The following OSBPL9 variants were observed in gnomAD, a reference collection of about 807,000 sequenced individuals.
OSBPL9 encodes the protein oxysterol-binding protein-related protein 9.
OSBPL9 carries 40 observed loss-of-function variants against 106.6 expected under a neutral mutation model. That is an observed-to-expected ratio of 0.38 (90% CI 0.29 to 0.49). The LOEUF (loss-of-function observed/expected upper bound fraction) is 0.49. Ranked by LOEUF, OSBPL9 falls within the 20% of genes least tolerant of loss-of-function variation. The pLI is 0.97. For missense variants in OSBPL9, 609 were observed against 887.2 expected (o/e 0.69, Z 3.98); for synonymous variants, 269 against 295.4 (o/e 0.91, Z 0.92).
intron 1 of OSBPL9, among the ~76,000 whole-genome samples, chr1:51,578,194 A>G (rs1416507423): frequency 1.3e-5 from 2 of 152,186 alleles, no homozygotes; most frequent in Non-Finnish European, 2.9e-5. Context: ...TAGCCTTACT[A>G]ATGGATTGAC....
chr1:51,573,640 C>T (rs1247567684), upstream of OSBPL9, among the ~76,000 whole-genome samples: 13 of 151,154 alleles, frequency 8.6e-5, no homozygotes, highest in Admixed American at 8.6e-4. Flanking sequence ...ATGGTGAGAC[C>T]CCGTCTCTAC....
At chr1:51,573,403 G>A (rs894863231), upstream of OSBPL9, among the ~76,000 whole-genome samples, 3 of 151,226 alleles carry the variant, frequency 2.0e-5, no homozygotes, top group Admixed American at 6.6e-5. Context: ...AGCTACTTGG[G>A]AGGCTGAGGC....
At chr1:51,614,468 T>G (rs990150513), upstream of OSBPL9, 1 of 151,976 alleles carries the variant, frequency 6.6e-6, no homozygotes, top group Non-Finnish European at 1.5e-5. Flanking sequence ...TTTTTTAATT[T>G]TAAATTTTAT....
At chr1:51,645,551 T>C (rs1040584501) in intron 1 of OSBPL9, among the ~76,000 whole-genome samples, 1 of 152,052 alleles carries the variant, frequency 6.6e-6, no homozygotes, top group African/African-American at 2.4e-5. Context: ...TGATTATAGC[T>C]CATCATAACC....
At chr1:51,580,686 G>T (rs911056254) in intron 1 of OSBPL9, among the ~76,000 whole-genome samples, 2 of 151,586 alleles carry the variant, frequency 1.3e-5, no homozygotes, top group African/African-American at 2.4e-5. Context: ...AGTCTTCAAG[G>T]AATTCACAAT....
chr1:51,773,167 C>T (rs562408169), intron 14 of OSBPL9, among the ~76,000 whole-genome samples: 1 of 152,250 alleles, frequency 6.6e-6, no homozygotes, highest in South Asian at 2.1e-4. Flanking sequence ...ATATTTGTGA[C>T]CTCTGTCTCC....
the OSBPL9 span, among the ~76,000 whole-genome samples, chr1:51,570,907 C>T: frequency 1.3e-5 from 2 of 152,026 alleles, no homozygotes; most frequent in Admixed American, 6.6e-5. Flanking sequence ...CTGCAACCTC[C>T]GCCTCCCAGG....
At chr1:51,607,081 A>G (rs971645075) in intron 2 of OSBPL9, among the ~76,000 whole-genome samples, 2 of 152,006 alleles carry the variant, frequency 1.3e-5, no homozygotes, top group African/African-American at 2.4e-5. Context: ...AAATTTGGAA[A>G]ACACAAAAGT....
At chr1:51,587,255 C>T (rs918434158) in intron 1 of OSBPL9, among the ~76,000 whole-genome samples, 1 of 152,164 alleles carries the variant, frequency 6.6e-6, no homozygotes, top group Non-Finnish European at 1.5e-5. Context: ...CTTCCAGCTC[C>T]TCAGGAGGCT....
intron 3 of OSBPL9, among the ~76,000 whole-genome samples, chr1:51,698,444 G>A (rs775890158): frequency 1.1e-4 from 17 of 152,050 alleles, no homozygotes; most frequent in Non-Finnish European, 1.9e-4. Flanking sequence ...TTTATGAAAC[G>A]AATGTTCCAG....
intron 2 of OSBPL9, among the ~76,000 whole-genome samples, chr1:51,611,745 G>T (rs1643989386): frequency 6.6e-6 from 1 of 152,258 alleles, no homozygotes; most frequent in Non-Finnish European, 1.5e-5. Flanking sequence ...TCAAGGGGTG[G>T]GGGGTGGATC....
chr1:51,618,025 GT>G (rs940292892), intron 1 of OSBPL9, among the ~76,000 whole-genome samples: 2 of 106,550 alleles, frequency 1.9e-5, no homozygotes, highest in Non-Finnish European at 4.3e-5. Context: ...TGTGTGTGTG[GT>G]TTTTTTTTTG....
Position 51,788,110 on chromosome 1 carries a change from C to G in OSBPL9, c.*321C>G. 1 of 311,926 alleles carries G rather than the reference C, an allele frequency of 3.2e-6. No homozygotes were observed. Among genetic ancestry groups the G allele is most frequent in the Non-Finnish European group, 6.0e-6 (1 of 165,714 alleles). The allele number at this position is 311,926 out of a possible 1,614,324, so 19.3% of individuals were successfully genotyped here. A position where few individuals can be genotyped will look rare whatever the true frequency, so the allele number is the denominator to read the frequency against. On this transcript the variant is annotated 3_prime_UTR_variant, in exon 24 of 24. Transcript: ENST00000428468. ...TCTGAAACTCTGCGCTCTAGTACTGCTGTTAAGATACACAACTTGTTTCTT... is the reference window on the plus strand; with the variant it reads ...TCTGAAACTCTGCGCTCTAGTACTGGTGTTAAGATACACAACTTGTTTCTT...
At chr1:51,536,728 C>A in the OSBPL9 span, among the ~76,000 whole-genome samples, 1 of 152,106 alleles carries the variant, frequency 6.6e-6, no homozygotes, top group African/African-American at 2.4e-5. Context: ...TGTAGTGTCT[C>A]CCCCTGTTTG....
At chr1:51,570,895 C>A in the OSBPL9 span, among the ~76,000 whole-genome samples, 2 of 151,996 alleles carry the variant, frequency 1.3e-5, no homozygotes, top group Non-Finnish European at 2.9e-5. Context: ...AATCTCGGCT[C>A]ACTGCAACCT....
At chr1:51,661,429 GAA>G (rs1314107539) in intron 2 of OSBPL9, among the ~76,000 whole-genome samples, 1 of 152,112 alleles carries the variant, frequency 6.6e-6, no homozygotes, top group African/African-American at 2.4e-5. Flanking sequence ...GAAAAAAAAC[GAA>G]AAGAGAGAAA....
the OSBPL9 span, among the ~76,000 whole-genome samples, chr1:51,557,429 A>G: frequency 1.7e-4 from 26 of 152,260 alleles, 1 homozygote; most frequent in South Asian, 5.2e-3. Flanking sequence ...TACTTTCATG[A>G]GAACTACTCC....
chr1:51,610,714 G>A (rs995649527), intron 2 of OSBPL9, among the ~76,000 whole-genome samples: 8 of 152,212 alleles, frequency 5.3e-5, no homozygotes, highest in Admixed American at 2.0e-4. Flanking sequence ...AGTACAAAGC[G>A]TAAGTAAAAA....
intron 3 of OSBPL9, among the ~76,000 whole-genome samples, chr1:51,689,912 G>C (rs1032940206): frequency 1.3e-5 from 2 of 152,184 alleles, no homozygotes; most frequent in East Asian, 3.9e-4. Context: ...ACATGACCCA[G>C]GTTCATTCTT....
Sources: gnomAD v4.1 joint callset for allele counts (sites outside exome capture counted in the v4.1 genomes callset) on GRCh38, gnomAD v4.1.1 for gene constraint, MANE v1.5 for transcripts, NCBI Gene and HGNC (gene_info 2026-07-23, HGNC 2026-07-21) for gene names.